The following CACNA2D3 variants were observed in gnomAD, a reference collection of about 807,000 sequenced individuals.
CACNA2D3 encodes the protein calcium voltage-gated channel auxiliary subunit alpha2delta 3, also known as voltage-dependent calcium channel subunit alpha-2/delta-3.
A neutral mutation model predicts 160.6 loss-of-function variants in CACNA2D3; 60 were observed. The ratio of observed to expected loss-of-function variants is 0.37; its 90% CI spans 0.30 to 0.46. CACNA2D3 has a LOEUF of 0.46. Ranked by LOEUF, CACNA2D3 falls within the 20% of genes least tolerant of loss-of-function variation. The pLI is 1.00. For missense variants in CACNA2D3, 1,205 were observed against 1,365.0 expected, an observed-to-expected ratio of 0.88 and a Z score of 1.85; for synonymous variants, 558 against 492.9, an observed-to-expected ratio of 1.13 and a Z score of -1.75.
At chr3:54,353,189 C>T (rs1476967286) in intron 3 of CACNA2D3, among the ~76,000 whole-genome samples, 2 of 152,186 alleles carry the variant, frequency 1.3e-5, no homozygotes, top group African/African-American at 2.4e-5. Context: ...TTATTTAAGT[C>T]GTGCAGTCTT....
At chr3:54,501,677 C>A (rs1364007452) in intron 4 of CACNA2D3, among the ~76,000 whole-genome samples, 1 of 151,678 alleles carries the variant, frequency 6.6e-6, no homozygotes, top group Admixed American at 6.6e-5. Flanking sequence ...GCCTTGGTTT[C>A]CCAAAGTTCT....
intron 4 of CACNA2D3, among the ~76,000 whole-genome samples, chr3:54,446,739 C>T (rs1214089998): frequency 3.3e-5 from 5 of 152,070 alleles, no homozygotes; most frequent in Non-Finnish European, 7.4e-5. Flanking sequence ...CTGAGGATGT[C>T]GTTTTCATCT....
chr3:54,458,566 A>AT (rs1207060172), intron 4 of CACNA2D3, among the ~76,000 whole-genome samples: 1 of 149,780 alleles, frequency 6.7e-6, no homozygotes, highest in Non-Finnish European at 1.5e-5. Context: ...TTTGTATGTG[A>AT]TTTGATGTTT....
intron 2 of CACNA2D3, among the ~76,000 whole-genome samples, chr3:54,293,563 T>TTCTATATATA (rs1553783373): frequency 6.7e-6 from 1 of 149,724 alleles, no homozygotes; most frequent in Non-Finnish European, 1.5e-5. Context: ...TAATATTCTA[T>TTCTATATATA]TATATATATA....
intron 2 of CACNA2D3, among the ~76,000 whole-genome samples, chr3:54,163,068 C>T (rs761857402): frequency 2.0e-5 from 3 of 152,078 alleles, no homozygotes; most frequent in African/African-American, 7.2e-5. Flanking sequence ...GGTCAGAAGA[C>T]CAGTGTGGCT....
intron 14 of CACNA2D3, among the ~76,000 whole-genome samples, chr3:54,835,386 T>G (rs1423824252): frequency 2.0e-5 from 3 of 152,214 alleles, no homozygotes; most frequent in Admixed American, 1.3e-4. Context: ...GTGTTTGGAA[T>G]GGGGCCTGAG....
intron 6 of CACNA2D3, among the ~76,000 whole-genome samples, chr3:54,569,351 T>G (rs1286072321): frequency 1.3e-5 from 2 of 152,138 alleles, no homozygotes; most frequent in Non-Finnish European, 2.9e-5. Flanking sequence ...GTTGGAAACA[T>G]TGTATCTATG....
intron 2 of CACNA2D3, among the ~76,000 whole-genome samples, chr3:54,161,036 C>T (rs1300142551): frequency 6.6e-6 from 1 of 152,082 alleles, no homozygotes; most frequent in Non-Finnish European, 1.5e-5. Context: ...GAAAGGGGAG[C>T]CTGTGTGCAG....
At chr3:54,343,195 C>T (rs138014449) in intron 3 of CACNA2D3, among the ~76,000 whole-genome samples, 10 of 152,316 alleles carry the variant, frequency 6.6e-5, no homozygotes, top group Non-Finnish European at 1.2e-4. Context: ...AAAGCCCCCC[C>T]CTCCCACGAG....
At chr3:54,960,201 G>A (rs774747092) in intron 27 of CACNA2D3, among the ~76,000 whole-genome samples, 1 of 152,078 alleles carries the variant, frequency 6.6e-6, no homozygotes, top group Non-Finnish European at 1.5e-5. Flanking sequence ...GATTAAAATA[G>A]GCCTCCTCAG....
intron 12 of CACNA2D3, among the ~76,000 whole-genome samples, chr3:54,762,584 A>G (rs17054355): frequency 0.014 from 2,136 of 152,340 alleles, 41 homozygotes; most frequent in African/African-American, 0.048. Context: ...GAAACCTTCA[A>G]TAAATGTGTG....
intron 2 of CACNA2D3, among the ~76,000 whole-genome samples, chr3:54,151,522 C>A (rs1397815162): frequency 6.6e-6 from 1 of 152,106 alleles, no homozygotes; most frequent in Non-Finnish European, 1.5e-5. Flanking sequence ...TGGCCATTCT[C>A]CTGGGCAGTT....
chr3:55,033,886 T>A (rs1476317218), intron 35 of CACNA2D3, among the ~76,000 whole-genome samples: 1 of 124,178 alleles, frequency 8.1e-6, no homozygotes, highest in Non-Finnish European at 1.7e-5. Flanking sequence ...TATTACATAT[T>A]AAGTATATTT....
chr3:54,773,145 C>T (rs1314953062), intron 13 of CACNA2D3, among the ~76,000 whole-genome samples: 1 of 152,224 alleles, frequency 6.6e-6, no homozygotes, highest in Non-Finnish European at 1.5e-5. Flanking sequence ...TCCTTCTCAG[C>T]CCCCACTAAG....
chr3:54,503,201 GAATT>G, intron 4 of CACNA2D3, among the ~76,000 whole-genome samples: 1 of 152,256 alleles, frequency 6.6e-6, no homozygotes, highest in Non-Finnish European at 1.5e-5. Flanking sequence ...AAAATTTAAA[GAATT>G]AAAATGTTTC....
chr3:54,796,306 C>A lies in CACNA2D3; in HGVS notation c.1381-20547C>A, dbSNP rs577315141. 1.3e-3 allele frequency among the ~76,000 whole-genome samples: 199 copies of A among 152,230 alleles called. 1 individual carries two copies. Among genetic ancestry groups the A allele is most frequent in the African/African-American group, 4.4e-3 (184 of 41,546 alleles). On this transcript the variant is annotated intron_variant, in intron 13 of 37. Coordinates refer to ENST00000474759, the MANE Select transcript of CACNA2D3 (RefSeq NM_018398.3). ...CAGAGTGAAGATGATTGTACTTGAA[C>A]CCTAGAGTTCTCAGGGGGCTTTCTG...
At chr3:54,574,148 C>T (rs781635613) in intron 8 of CACNA2D3, among the ~76,000 whole-genome samples, 2 of 151,996 alleles carry the variant, frequency 1.3e-5, no homozygotes, top group Non-Finnish European at 2.9e-5. Context: ...CTTTGCTTGC[C>T]GGGTAGATGT....
At chr3:54,984,581 G>GTTTT in intron 29 of CACNA2D3, 27 bp from the exon 30 acceptor site, 1 of 1,397,600 alleles carries the variant, frequency 7.2e-7, no homozygotes, top group African/African-American at 1.5e-5. Flanking sequence ...CTGTTTTTTT[G>GTTTT]TTTTTGTTTT....
At chr3:54,699,466 C>G (rs995767828) in intron 11 of CACNA2D3, among the ~76,000 whole-genome samples, 2 of 152,194 alleles carry the variant, frequency 1.3e-5, no homozygotes, top group Middle Eastern at 3.2e-3. Flanking sequence ...ACAAGTTGTT[C>G]AGAAGCCAGC....
Sources: gnomAD v4.1 joint callset for allele counts (sites outside exome capture counted in the v4.1 genomes callset) on GRCh38, gnomAD v4.1.1 for gene constraint, MANE v1.5 for transcripts, NCBI Gene and HGNC (gene_info 2026-07-23, HGNC 2026-07-21) for gene names.